MSH3: variants seen among roughly 807,000 people sequenced by gnomAD.
MSH3 encodes mutS homolog 3.
Under a neutral mutation model 123.3 loss-of-function variants are expected in MSH3, and 106 were observed. The ratio of observed to expected loss-of-function variants is 0.86; its 90% CI spans 0.73 to 1.01. MSH3 has a LOEUF of 1.01. Ranked by LOEUF, MSH3 falls within the 50% of genes least tolerant of loss-of-function variation. The pLI is 0.00. For missense variants in MSH3, 1,459 were observed against 1,347.6 expected (o/e 1.08, Z -1.29); for synonymous variants, 515 against 481.4 (o/e 1.07, Z -0.91).
At chr5:80,765,737 C>T (rs1275218785) in intron 13 of MSH3, among the ~76,000 whole-genome samples, 2 of 152,150 alleles carry the variant, frequency 1.3e-5, no homozygotes, top group African/African-American at 4.8e-5. Context: ...ATTCCCTTTA[C>T]TTCCCTTGAG....
At chr5:80,665,432 C>G in intron 3 of MSH3, 69 bp downstream of exon 3, 3 of 1,167,570 alleles carry the variant, frequency 2.6e-6, no homozygotes, top group Non-Finnish European at 3.7e-6. Flanking sequence ...GTCAGGTTCT[C>G]TGAGGTCATT....
chr5:80,716,805 A>T (rs1052924430), intron 8 of MSH3, among the ~76,000 whole-genome samples: 4 of 152,194 alleles, frequency 2.6e-5, no homozygotes, highest in Admixed American at 1.3e-4. Context: ...CTACTGTGCT[A>T]TCAAACACTA....
intron 8 of MSH3, among the ~76,000 whole-genome samples, chr5:80,693,606 T>TGTATATAA (rs1750394113): frequency 2.2e-5 from 3 of 136,762 alleles, no homozygotes; most frequent in African/African-American, 8.6e-5. Flanking sequence ...TAAACATACA[T>TGTATATAA]ATATACACAC....
chr5:80,861,305 TA>T (rs1263877272), intron 21 of MSH3, among the ~76,000 whole-genome samples: 1 of 152,222 alleles, frequency 6.6e-6, no homozygotes, highest in African/African-American at 2.4e-5. Context: ...GGTAAGGGTC[TA>T]GGGGAGGAGT....
intron 19 of MSH3, among the ~76,000 whole-genome samples, chr5:80,796,044 A>G (rs1458457281): frequency 6.6e-6 from 1 of 151,978 alleles, no homozygotes; most frequent in African/African-American, 2.4e-5. Flanking sequence ...TCATAATACC[A>G]GTAGGATATA....
At chr5:80,714,209 C>T (rs1210346094) in intron 8 of MSH3, among the ~76,000 whole-genome samples, 1 of 137,092 alleles carries the variant, frequency 7.3e-6, no homozygotes, top group Admixed American at 8.2e-5. Flanking sequence ...AATCTTGGCT[C>T]ACTGTAACCT....
At chr5:80,679,184 T>C (rs182946953) in intron 8 of MSH3, 91 bp downstream of exon 8, 415 of 1,345,282 alleles carry the variant, frequency 3.1e-4, no homozygotes, top group Non-Finnish European at 4.2e-4. Context: ...TAAAAATAGT[T>C]TTTACTTACA....
rs555172563 is a variant in MSH3, at chr5:80,875,898, T to C, written c.*36T>C. On this transcript the variant is annotated 3_prime_UTR_variant, in exon 24 of 24. Transcript: ENST00000265081. Reference sequence around the variant, plus strand: ...ACATTTGTGAACAAAAAATGGAGAATTAAAAATACCAACTGTACAAAATAA... The same window carrying C: ...ACATTTGTGAACAAAAAATGGAGAACTAAAAATACCAACTGTACAAAATAA... The C allele has an allele frequency of 5.4e-5, 69 of 1,269,446 alleles. No homozygotes were observed. The South Asian group carries it at 6.9e-4, about 13-fold the overall frequency. 78.6% of individuals were successfully genotyped at this position (1,269,446 alleles called of 1,614,324 possible). A position where few individuals can be genotyped will look rare whatever the true frequency, so the allele number is the denominator to read the frequency against.
intron 21 of MSH3, 146 bp from the exon 22 acceptor site, chr5:80,864,667 G>A: frequency 1.5e-6 from 1 of 663,370 alleles, no homozygotes; most frequent in Admixed American, 2.6e-5. Flanking sequence ...TGATTATCTA[G>A]GTAAACAGTA....
At chr5:80,709,209 ATGTGTGTGTGTGTGTG>A (rs139977038) in intron 8 of MSH3, among the ~76,000 whole-genome samples, 3 of 147,000 alleles carry the variant, frequency 2.0e-5, no homozygotes, top group African/African-American at 7.6e-5. Flanking sequence ...TAAAATAGAT[ATGTGTGTGTGTGTGTG>A]TGTGTGTGTG....
rs1749812557 is a variant in MSH3 at position 80,675,134 on chromosome 5, T to C, written c.1173+6T>C. ...ACATTTTTATTGGCATTGTGGTAAG[T>C]ACTTTGCAGGTGAGGAACAAATGTT... is the stretch of plus-strand genomic sequence containing the variant. On this transcript the variant is annotated splice_donor_region_variant and intron_variant, in intron 7 of 23. Transcript: ENST00000265081. 1 of 1,613,738 alleles carries C rather than the reference T, an allele frequency of 6.2e-7. No homozygotes were observed. Among genetic ancestry groups the C allele is most frequent in the East Asian group, 2.2e-5 (1 of 44,770 alleles).
chr5:80,871,377 A>G (rs1204109908), intron 22 of MSH3, among the ~76,000 whole-genome samples: 1 of 152,234 alleles, frequency 6.6e-6, no homozygotes, highest in African/African-American at 2.4e-5. Flanking sequence ...TCTGTGAGTC[A>G]GGAGTCCAGG....
chr5:80,851,765 G>A (rs1319020128), intron 20 of MSH3, among the ~76,000 whole-genome samples: 2 of 152,044 alleles, frequency 1.3e-5, no homozygotes, highest in Non-Finnish European at 2.9e-5. Flanking sequence ...TTGGAATATG[G>A]CTTATATAGG....
At chr5:80,845,861 T>C (rs1745710811) in intron 20 of MSH3, among the ~76,000 whole-genome samples, 1 of 152,186 alleles carries the variant, frequency 6.6e-6, no homozygotes, top group Admixed American at 6.5e-5. Flanking sequence ...CTCCTTTTGC[T>C]TGGAGAAGTT....
Position 80,674,888 on chromosome 5 carries a change from T to A in MSH3, c.1028-95T>A. On this transcript the variant is annotated intron_variant, in intron 6 of 23. Transcript: ENST00000265081. ...AGCCACTGCGCCTGGCTGTGAACCA[T>A]TATTTTAAAGGAGAAAATAGTTAAT... 1.7e-6 allele frequency: 2 copies of A among 1,145,344 alleles called. 1 individual carries two copies. Among genetic ancestry groups the A allele is most frequent in the South Asian group, 2.8e-5 (2 of 71,752 alleles). The allele number at this position is 1,145,344 out of a possible 1,614,324, so 70.9% of individuals were successfully genotyped here. A position where few individuals can be genotyped will look rare whatever the true frequency, so the allele number is the denominator to read the frequency against.
chr5:80,822,810 G>A (rs1745223748), intron 20 of MSH3, among the ~76,000 whole-genome samples: 1 of 152,200 alleles, frequency 6.6e-6, no homozygotes, highest in Non-Finnish European at 1.5e-5. Flanking sequence ...TGGCATGGAA[G>A]GTGGTCTCAT....
At chr5:80,830,191 A>T (rs1745393943) in intron 20 of MSH3, among the ~76,000 whole-genome samples, 1 of 151,496 alleles carries the variant, frequency 6.6e-6, no homozygotes, top group South Asian at 2.1e-4. Flanking sequence ...GGTGTTGTTG[A>T]TTTTTCTCTA....
At chr5:80,774,288 A>G (rs941940722) in intron 15 of MSH3, among the ~76,000 whole-genome samples, 1 of 152,104 alleles carries the variant, frequency 6.6e-6, no homozygotes, top group African/African-American at 2.4e-5. Flanking sequence ...TTTATCCAAA[A>G]GACAGGCAAT....
intron 19 of MSH3, among the ~76,000 whole-genome samples, chr5:80,797,448 T>G (rs1337819912): frequency 2.0e-5 from 3 of 152,102 alleles, no homozygotes; most frequent in Non-Finnish European, 4.4e-5. Flanking sequence ...TTGCCTTTTA[T>G]TTTCTACACA....
Sources: gnomAD v4.1 joint callset for allele counts (sites outside exome capture counted in the v4.1 genomes callset) on GRCh38, gnomAD v4.1.1 for gene constraint, MANE v1.5 for transcripts, NCBI Gene and HGNC (gene_info 2026-07-23, HGNC 2026-07-21) for gene names.